Variants in DARS1 observed in about 807,000 individuals in gnomAD.
DARS1 encodes the protein aspartate--tRNA ligase, cytoplasmic.
DARS1 carries 51 observed loss-of-function variants against 68.8 expected under a neutral mutation model. The ratio of observed to expected loss-of-function variants is 0.74; its 90% CI spans 0.59 to 0.94. The LOEUF is 0.94. DARS1 is among the 40% of genes least tolerant of loss of function. The probability of loss-of-function intolerance (pLI) is 0.00; values close to 1 mark genes in which losing one functional copy is unlikely to be tolerated. For synonymous variants in DARS1, 203 were observed against 190.4 expected (o/e 1.07, Z -0.55); for missense variants, 607 against 597.3 (o/e 1.02, Z -0.17).
rs190438823 is a variant in DARS1 at position 135,906,699 on chromosome 2, T to C, written c.*617A>G. 3.8e-4 allele frequency: 58 copies of C among 152,366 alleles called. No homozygotes were observed. The highest frequency in any genetic ancestry group is 1.3e-3 in the African/African-American group (56 of 41,600). 9.4% of individuals were successfully genotyped at this position (152,366 alleles called of 1,614,324 possible). Reference sequence around the variant, plus strand: ...AACTACAATTAGCTTTAAAATTTTATTGAAATTCAAGTTTAGAATTTAACA... The same window carrying C: ...AACTACAATTAGCTTTAAAATTTTACTGAAATTCAAGTTTAGAATTTAACA... On this transcript the variant is annotated 3_prime_UTR_variant, in exon 16 of 16. Coordinates refer to ENST00000264161, the MANE Select transcript of DARS1 (RefSeq NM_001349.4).
At chr2:135,957,766 G>A (rs1682011606) in intron 4 of DARS1, among the ~76,000 whole-genome samples, 1 of 152,048 alleles carries the variant, frequency 6.6e-6, no homozygotes, top group Non-Finnish European at 1.5e-5. Context: ...AAAAATGTCA[G>A]CAAACCCCAT....
At chr2:135,957,513 C>T (rs909940343) in intron 4 of DARS1, among the ~76,000 whole-genome samples, 5 of 152,050 alleles carry the variant, frequency 3.3e-5, no homozygotes, top group East Asian at 1.9e-4. Context: ...CCACCACGCT[C>T]GGCCGACTAA....
At chr2:135,951,837 C>T (rs531760667) in intron 4 of DARS1, among the ~76,000 whole-genome samples, 17 of 152,262 alleles carry the variant, frequency 1.1e-4, no homozygotes, top group African/African-American at 4.1e-4. Context: ...CTTTTGATAC[C>T]CACTTCCACA....
intron 11 of DARS1, 71 bp downstream of exon 11, chr2:135,916,155 A>G (rs1680998245): frequency 2.5e-6 from 2 of 809,368 alleles, no homozygotes; most frequent in African/African-American, 1.7e-5. Flanking sequence ...ATGTATACCT[A>G]TGTAACAAAC....
chr2:135,915,452 A>G (rs970516106), intron 11 of DARS1, among the ~76,000 whole-genome samples: 2 of 151,916 alleles, frequency 1.3e-5, no homozygotes, highest in Non-Finnish European at 2.9e-5. Flanking sequence ...ATGTTCAGCT[A>G]AATTTTAAAT....
intron 5 of DARS1, among the ~76,000 whole-genome samples, chr2:135,935,461 G>T (rs1026406093): frequency 6.6e-6 from 1 of 152,036 alleles, no homozygotes; most frequent in Non-Finnish European, 1.5e-5. Context: ...TTAGTGGGGC[G>T]TGGTGGCAGG....
At chr2:135,914,381 A>G in intron 12 of DARS1, 88 bp downstream of exon 12, 1 of 791,416 alleles carries the variant, frequency 1.3e-6, no homozygotes, top group Non-Finnish European at 2.2e-6. Context: ...ATACCATTCT[A>G]GGAAGCTCAG....
chr2:135,970,830 C>T (rs771021920), intron 3 of DARS1, among the ~76,000 whole-genome samples: 78 of 152,026 alleles, frequency 5.1e-4, no homozygotes, highest in Middle Eastern at 6.8e-3. Context: ...CAATATATGC[C>T]AATAAGTTGG....
At chr2:135,914,100 A>G (rs1197948282) in intron 12 of DARS1, among the ~76,000 whole-genome samples, 3 of 152,228 alleles carry the variant, frequency 2.0e-5, no homozygotes, top group Non-Finnish European at 4.4e-5. Flanking sequence ...GGGAGAGAGG[A>G]ACCTCATTCA....
chr2:135,963,119 G>T (rs1264721517), intron 3 of DARS1, among the ~76,000 whole-genome samples: 1 of 152,158 alleles, frequency 6.6e-6, no homozygotes, highest in Non-Finnish European at 1.5e-5. Flanking sequence ...AAGTCTATGG[G>T]TCGGCACTAG....
chr2:135,923,069 ATCT>A, intron 8 of DARS1, 151 bp from the exon 9 acceptor site: 1 of 900,088 alleles, frequency 1.1e-6, no homozygotes, highest in Non-Finnish European at 1.5e-6. Context: ...TATATACATC[ATCT>A]TCTATGTGAT....
chr2:135,932,900 C>T (rs931806816), intron 6 of DARS1, 58 bp from the exon 7 acceptor site: 1 of 802,776 alleles, frequency 1.2e-6, no homozygotes, highest in Non-Finnish European at 2.0e-6. Flanking sequence ...TTGAAGAGCA[C>T]AAAAAATACT....
intron 3 of DARS1, among the ~76,000 whole-genome samples, chr2:135,978,590 G>A (rs941541618): frequency 6.6e-6 from 1 of 152,210 alleles, no homozygotes; most frequent in African/African-American, 2.4e-5. Context: ...GAACACTACA[G>A]TAGGCCAATT....
intron 5 of DARS1, among the ~76,000 whole-genome samples, chr2:135,940,095 A>T: frequency 6.6e-6 from 1 of 152,260 alleles, no homozygotes; most frequent in East Asian, 1.9e-4. Flanking sequence ...AGGAGCTGGT[A>T]CCATTCCTTC....
chr2:135,949,804 T>G (rs1191482422), intron 4 of DARS1, among the ~76,000 whole-genome samples: 1 of 152,228 alleles, frequency 6.6e-6, no homozygotes, highest in Non-Finnish European at 1.5e-5. Flanking sequence ...TGGATATTCC[T>G]AAGACAGACA....
In DARS1 at chr2:135,964,051, A is replaced by G. The variant is rs76392392; in HGVS notation, c.218-2553T>C. Among the ~76,000 whole-genome samples, 1,314 of 152,212 alleles carry G rather than the reference A, an allele frequency of 8.6e-3. 16 individuals are homozygous for G. The highest frequency in any genetic ancestry group is 0.028 in the African/African-American group (1,160 of 41,538). ...GATGATTAATTATCATTCCTTTTTCACAGCTGGATGACTATATACAAAAAG... is the reference window on the plus strand; with the variant it reads ...GATGATTAATTATCATTCCTTTTTCGCAGCTGGATGACTATATACAAAAAG... On this transcript the variant is annotated intron_variant, in intron 3 of 15. Transcript: ENST00000264161.
rs869183598 is a variant in DARS1, at chr2:135,907,238, C to CTT, written c.*76_*77dup. 2.1e-5 allele frequency: 15 copies of CTT among 725,352 alleles called. No homozygotes were observed. The highest frequency in any genetic ancestry group is 1.3e-4 in the South Asian group (6 of 47,078). 44.9% of individuals were successfully genotyped at this position (725,352 alleles called of 1,614,324 possible). The stretch of plus-strand genomic sequence containing the variant: ...AGGTTACTGAAAAGAATAAGTGTGG[C>CTT]TTTCTTTTTTTTTTTTTTTTTTTGA... On this transcript the variant is annotated 3_prime_UTR_variant, in exon 16 of 16. Coordinates refer to ENST00000264161, the MANE Select transcript of DARS1 (RefSeq NM_001349.4).
intron 12 of DARS1, among the ~76,000 whole-genome samples, chr2:135,912,852 T>G (rs2104793887): frequency 6.6e-6 from 1 of 152,006 alleles, no homozygotes; most frequent in South Asian, 2.1e-4. Flanking sequence ...TAGGCTCGAG[T>G]GCATGATGAG....
At chr2:135,911,084 T>C in intron 15 of DARS1, 55 bp downstream of exon 15, 1 of 768,452 alleles carries the variant, frequency 1.3e-6, no homozygotes, top group Non-Finnish European at 2.2e-6. Flanking sequence ...GTAATTCAAA[T>C]TTGTATTATA....
Sources: gnomAD v4.1 joint callset for allele counts (sites outside exome capture counted in the v4.1 genomes callset) on GRCh38, gnomAD v4.1.1 for gene constraint, MANE v1.5 for transcripts, NCBI Gene and HGNC (gene_info 2026-07-23, HGNC 2026-07-21) for gene names.